The following UBE2E1 variants were observed in gnomAD, a reference collection of about 807,000 sequenced individuals.
UBE2E1 encodes ubiquitin-conjugating enzyme E2 E1.
UBE2E1 carries 6 observed loss-of-function variants against 21.4 expected under a neutral mutation model. The observed-to-expected ratio is 0.28, with a 90% CI of 0.15 to 0.55. UBE2E1 has a LOEUF of 0.55. Among genes scored for constraint, UBE2E1 ranks in the 20% least tolerant of loss-of-function variants. The pLI, the probability that UBE2E1 is intolerant of heterozygous loss-of-function variation, is 0.93. For synonymous variants in UBE2E1, 87 were observed against 82.7 expected (o/e 1.05, Z -0.28); for missense variants, 142 against 236.5 (o/e 0.60, Z 2.62).
chr3:23,807,038 CCCCACTTG>C (rs1048061388), intron 1 of UBE2E1, 191 bp from the exon 2 acceptor site: 88 of 444,022 alleles, frequency 2.0e-4, no homozygotes, highest in Admixed American at 4.9e-4. Context: ...CCACAGCGTT[CCCCACTTG>C]GGGCCAAAAA....
chr3:23,858,898 A>G (rs576230670), intron 3 of UBE2E1, among the ~76,000 whole-genome samples: 1 of 152,262 alleles, frequency 6.6e-6, no homozygotes, highest in East Asian at 1.9e-4. Flanking sequence ...TATTGGGCCC[A>G]TTTCTAAGCC....
intron 3 of UBE2E1, among the ~76,000 whole-genome samples, chr3:23,885,990 A>G (rs1465241457): frequency 6.6e-6 from 1 of 152,138 alleles, no homozygotes; most frequent in Non-Finnish European, 1.5e-5. Context: ...TGAGCCCAGG[A>G]GTTCAAGACC....
At chr3:23,817,012 C>A (rs1481536082) in intron 3 of UBE2E1, among the ~76,000 whole-genome samples, 1 of 152,118 alleles carries the variant, frequency 6.6e-6, no homozygotes, top group African/African-American at 2.4e-5. Flanking sequence ...TATATTTTAT[C>A]ACAATAAACA....
At chr3:23,884,650 C>A (rs1416128895) in intron 3 of UBE2E1, among the ~76,000 whole-genome samples, 1 of 152,198 alleles carries the variant, frequency 6.6e-6, no homozygotes, top group Non-Finnish European at 1.5e-5. Context: ...CATGTCACCT[C>A]TAGGGCCTAG....
Position 23,863,898 on chromosome 3 carries a change from C to T in UBE2E1, c.204-23669C>T, listed in dbSNP as rs1169023689. Among the ~76,000 whole-genome samples the T allele has an allele frequency of 6.6e-6, 1 of 152,196 alleles. No individual in the cohort carries two copies. Among genetic ancestry groups the T allele is most frequent in the East Asian group, 1.9e-4 (1 of 5,206 alleles). On this transcript the variant is annotated intron_variant, in intron 3 of 5. Transcript: ENST00000306627. The surrounding 1 kb of genome is among the most constrained non-coding windows in gnomAD (Gnocchi z 4.3). The stretch of plus-strand genomic sequence containing the variant: ...GACCTCTTCTGGTTTTAACAGGCTA[C>T]CTGCTAACTCTGTTTATAGCTGTCA...
At chr3:23,821,020 G>A (rs1699632093) in intron 3 of UBE2E1, among the ~76,000 whole-genome samples, 1 of 152,190 alleles carries the variant, frequency 6.6e-6, no homozygotes, top group Non-Finnish European at 1.5e-5. Context: ...AAGCAATGTT[G>A]TACATGTGAC....
At chr3:23,858,043 G>C (rs1700477360) in intron 3 of UBE2E1, among the ~76,000 whole-genome samples, 1 of 152,060 alleles carries the variant, frequency 6.6e-6, no homozygotes, top group African/African-American at 2.4e-5. Context: ...GCTGACCTTA[G>C]CTAGTCTTTC....
intron 3 of UBE2E1, among the ~76,000 whole-genome samples, chr3:23,867,307 T>C (rs1700678936): frequency 6.6e-6 from 1 of 152,226 alleles, no homozygotes; most frequent in Non-Finnish European, 1.5e-5. Context: ...CTTTGATTTA[T>C]GTTGGTTCTT....
chr3:23,876,957 T>A lies in UBE2E1; in HGVS notation c.204-10610T>A, dbSNP rs1440230436. 6.6e-6 allele frequency among the ~76,000 whole-genome samples: 1 copy of A among 152,172 alleles called. No individual in the cohort carries two copies. Among genetic ancestry groups the A allele is most frequent in the African/African-American group, 2.4e-5 (1 of 41,430 alleles). ...AACTCAGGAGGCTGAGATGGAAGGA[T>A]CACTTGAGCCAGCTGTGATTGAGCC... is the stretch of plus-strand genomic sequence containing the variant. On this transcript the variant is annotated intron_variant, in intron 3 of 5. Coordinates refer to ENST00000306627, the MANE Select transcript of UBE2E1 (RefSeq NM_003341.5). This position sits in a 1 kb window ranked among gnomAD's most constrained non-coding sequence, Gnocchi z 4.3.
At chr3:23,811,405 GGCTTCCGC>G in intron 2 of UBE2E1, 47 bp from the exon 3 acceptor site, 1 of 1,577,632 alleles carries the variant, frequency 6.3e-7, no homozygotes. Flanking sequence ...ACAGGTGGGA[GGCTTCCGC>G]GCCTTAATGC....
At position 23,808,128 on chromosome 3, in the gene UBE2E1, A is replaced by AT. The variant is rs1279720152; in HGVS notation, c.152+713dup. Among the ~76,000 whole-genome samples the AT allele has an allele frequency of 6.6e-6, 1 of 151,852 alleles. No individual in the cohort carries two copies. The highest frequency in any genetic ancestry group is 1.5e-5 in the Non-Finnish European group (1 of 67,956). On this transcript the variant is annotated intron_variant, in intron 2 of 5. Coordinates refer to ENST00000306627, the MANE Select transcript of UBE2E1 (RefSeq NM_003341.5). The surrounding 1 kb of genome is among the most constrained non-coding windows in gnomAD (Gnocchi z 4.9). ...TGCTGTGAAAATGTTACTTTGCCTTATTTTTTCAATTTAAGTGGTCTCCCT... is the reference window on the plus strand; with the variant it reads ...TGCTGTGAAAATGTTACTTTGCCTTATTTTTTTCAATTTAAGTGGTCTCCCT...
intron 3 of UBE2E1, among the ~76,000 whole-genome samples, chr3:23,830,912 C>T (rs545877024): frequency 6.6e-6 from 1 of 152,196 alleles, no homozygotes; most frequent in Non-Finnish European, 1.5e-5. Context: ...TCATTTAAAA[C>T]TTAAACCATT....
chr3:23,847,488 ATT>A (rs71057627), intron 3 of UBE2E1, among the ~76,000 whole-genome samples: 7 of 96,128 alleles, frequency 7.3e-5, no homozygotes, highest in Non-Finnish European at 6.0e-5. Flanking sequence ...TGTACTTTAA[ATT>A]TTTTTTTTTT....
rs1428232737 is a variant in UBE2E1, at chr3:23,870,051, A to AAG, written c.204-17515_204-17514dup. ...CAGGGGCTAGGACTGGAGTCATGTG[A>AAG]AGCCTTCCTCACTTTTACATGTCTG... On this transcript the variant is annotated intron_variant, in intron 3 of 5. Coordinates refer to ENST00000306627, the MANE Select transcript of UBE2E1 (RefSeq NM_003341.5). The surrounding 1 kb of genome is among the most constrained non-coding windows in gnomAD (Gnocchi z 4.2). 2.0e-5 allele frequency among the ~76,000 whole-genome samples: 3 copies of AAG among 152,156 alleles called. No individual in the cohort carries two copies. Among genetic ancestry groups the AAG allele is most frequent in the Non-Finnish European group, 4.4e-5 (3 of 68,034 alleles).
At chr3:23,885,591 T>TG (rs1164620855) in intron 3 of UBE2E1, among the ~76,000 whole-genome samples, 1 of 152,212 alleles carries the variant, frequency 6.6e-6, no homozygotes, top group East Asian at 1.9e-4. Flanking sequence ...CCGGGTGCGA[T>TG]GGCTCACACC....
chr3:23,813,101 G>A (rs1485684566), intron 3 of UBE2E1, among the ~76,000 whole-genome samples: 2 of 152,010 alleles, frequency 1.3e-5, no homozygotes, highest in Non-Finnish European at 2.9e-5. Flanking sequence ...TTATCTTTGG[G>A]AAACCCTCCC....
At chr3:23,845,589 C>CTCTCTGTGTGTGTGTGTG (rs1553637998) in intron 3 of UBE2E1, among the ~76,000 whole-genome samples, 9 of 121,282 alleles carry the variant, frequency 7.4e-5, no homozygotes, top group African/African-American at 2.6e-4. Flanking sequence ...CTCTCTCTCT[C>CTCTCTGTGTGTGTGTGTG]TGTGTGTGTG....
intron 5 of UBE2E1, among the ~76,000 whole-genome samples, chr3:23,890,065 G>A (rs548422705): frequency 6.6e-6 from 1 of 152,242 alleles, no homozygotes; most frequent in African/African-American, 2.4e-5. Context: ...CCAGCGTAAA[G>A]GTTAATAGTG....
At chr3:23,867,059 TCTC>T (rs375743081) in intron 3 of UBE2E1, among the ~76,000 whole-genome samples, 18 of 151,776 alleles carry the variant, frequency 1.2e-4, no homozygotes, top group African/African-American at 2.4e-4. Flanking sequence ...CCTGAATCCT[TCTC>T]CTCATCTTTT....
Sources: allele counts gnomAD v4.1 joint callset (sites outside exome capture counted in the v4.1 genomes callset), GRCh38; gene constraint gnomAD v4.1.1; non-coding constraint Gnocchi (gnomAD v3.1); transcripts MANE v1.5; gene names NCBI Gene and HGNC (gene_info 2026-07-23, HGNC 2026-07-21).